The following ARHGAP12 variants were observed in gnomAD, a reference collection of about 807,000 sequenced individuals.
ARHGAP12 encodes the protein Rho GTPase activating protein 12.
A neutral mutation model predicts 108.6 loss-of-function variants in ARHGAP12; 64 were observed. The ratio of observed to expected loss-of-function variants is 0.59; its 90% CI spans 0.48 to 0.73. The LOEUF is 0.73. Among genes scored for constraint, ARHGAP12 ranks in the 30% least tolerant of loss-of-function variants. The pLI is 0.00. For missense variants in ARHGAP12, 940 were observed against 1,005.9 expected (o/e 0.93, Z 0.89); for synonymous variants, 312 against 337.2 (o/e 0.93, Z 0.82).
chr10:31,905,278 T>C (rs952080178), intron 3 of ARHGAP12, among the ~76,000 whole-genome samples: 4 of 152,178 alleles, frequency 2.6e-5, no homozygotes, highest in African/African-American at 9.7e-5. Flanking sequence ...TTCTTGTTTT[T>C]AGAGACGAGG....
intron 2 of ARHGAP12, among the ~76,000 whole-genome samples, chr10:31,909,248 C>A (rs766455803): frequency 5.3e-5 from 8 of 152,196 alleles, no homozygotes; most frequent in Non-Finnish European, 1.0e-4. Flanking sequence ...ACCTCCTTCA[C>A]CTTCTTAGAA....
rs747458042 is a variant in ARHGAP12 at position 31,908,344 on chromosome 10, T to C, written c.512A>G (p.Gln171Arg). Residue 171 changes from glutamine (Q) to arginine (R), a missense_variant, in exon 3 of 20, where the codon CAG (glutamine) becomes CGG (arginine). Coordinates refer to ENST00000344936, the MANE Select transcript of ARHGAP12 (RefSeq NM_018287.7). ...NDSHSPKVSS[Q>R]NRTRSFGHFP... Reference sequence around the variant, plus strand: ...ATGACCAAATGAGCGTGTCCTATTCTGGCTGGAAACTTTAGGAGAATGTGA... The same window carrying C: ...ATGACCAAATGAGCGTGTCCTATTCCGGCTGGAAACTTTAGGAGAATGTGA... The C allele has an allele frequency of 9.3e-6, 15 of 1,614,186 alleles. No individual in the cohort carries two copies. The highest frequency in any genetic ancestry group is 1.0e-5 in the Non-Finnish European group (12 of 1,180,022).
chr10:31,921,014 C>T (rs778651651), intron 1 of ARHGAP12, among the ~76,000 whole-genome samples: 9 of 152,166 alleles, frequency 5.9e-5, no homozygotes, highest in East Asian at 1.9e-4. Flanking sequence ...AGGTGGCTCA[C>T]GCGTGTAATC....
At chr10:31,866,718 C>T (rs112926990) in intron 3 of ARHGAP12, among the ~76,000 whole-genome samples, 1 of 151,930 alleles carries the variant, frequency 6.6e-6, no homozygotes, top group Non-Finnish European at 1.5e-5. Context: ...CTGTTTCAAG[C>T]GATTCTCCTG....
At chr10:31,851,775 T>C (rs1156793937) in intron 6 of ARHGAP12, among the ~76,000 whole-genome samples, 1 of 152,230 alleles carries the variant, frequency 6.6e-6, no homozygotes, top group African/African-American at 2.4e-5. Flanking sequence ...ATACTATTAA[T>C]ATTCTTCTTT....
At chr10:31,853,185 C>T (rs1219492271) in intron 5 of ARHGAP12, among the ~76,000 whole-genome samples, 1 of 152,204 alleles carries the variant, frequency 6.6e-6, no homozygotes, top group Admixed American at 6.5e-5. Context: ...CAACATATAA[C>T]ATACGATGTA....
chr10:31,807,986 T>C (rs1030620740), intron 19 of ARHGAP12, among the ~76,000 whole-genome samples, 154 bp from the exon 20 acceptor site: 1 of 152,246 alleles, frequency 6.6e-6, no homozygotes, highest in African/African-American at 2.4e-5. Context: ...AGTAGAATTC[T>C]GTCTAAATGC....
chr10:31,836,418 A>T (rs1384617730), intron 9 of ARHGAP12, among the ~76,000 whole-genome samples: 1 of 152,184 alleles, frequency 6.6e-6, no homozygotes, highest in Non-Finnish European at 1.5e-5. Flanking sequence ...AAATGTATAT[A>T]CTGCCTATTT....
At chr10:31,881,249 T>C (rs1406754657) in intron 3 of ARHGAP12, among the ~76,000 whole-genome samples, 1 of 151,556 alleles carries the variant, frequency 6.6e-6, no homozygotes, top group Non-Finnish European at 1.5e-5. Context: ...ATACATGTAA[T>C]GGGCAGTATC....
intron 3 of ARHGAP12, among the ~76,000 whole-genome samples, chr10:31,895,534 A>G (rs1237433471): frequency 2.0e-5 from 3 of 152,228 alleles, no homozygotes; most frequent in African/African-American, 7.2e-5. Flanking sequence ...AATCAAAACC[A>G]TAATGCGATA....
chr10:31,850,131 G>C (rs185801974), intron 6 of ARHGAP12, among the ~76,000 whole-genome samples: 85 of 152,288 alleles, frequency 5.6e-4, no homozygotes, highest in African/African-American at 1.9e-3. Flanking sequence ...AGATACAGCA[G>C]ATGATTCCTC....
At chr10:31,852,861 G>T (rs907889761) in intron 5 of ARHGAP12, among the ~76,000 whole-genome samples, 7 of 151,272 alleles carry the variant, frequency 4.6e-5, no homozygotes, top group African/African-American at 1.7e-4. Flanking sequence ...CGAGTAGCTG[G>T]GATTACAGGC....
In ARHGAP12 at chr10:31,818,435, G is replaced by A. The variant is rs563581636; in HGVS notation, c.1633-549C>T. The stretch of plus-strand genomic sequence containing the variant: ...GGAAGTATTACTAAATTAAGTGTCA[G>A]ATCATGAGCTGAAGTAAGAATACTA... On this transcript the variant is annotated intron_variant, in intron 12 of 19. Coordinates refer to ENST00000344936, the MANE Select transcript of ARHGAP12 (RefSeq NM_018287.7). 5.3e-5 allele frequency among the ~76,000 whole-genome samples: 8 copies of A among 152,284 alleles called. No individual in the cohort carries two copies. The South Asian group carries it at 1.5e-3, about 28-fold the overall frequency.
At chr10:31,919,645 G>A (rs1435364349) in intron 1 of ARHGAP12, among the ~76,000 whole-genome samples, 1 of 151,756 alleles carries the variant, frequency 6.6e-6, no homozygotes, top group African/African-American at 2.4e-5. Flanking sequence ...AAAAAAATTA[G>A]CTGGGCATGG....
intron 1 of ARHGAP12, among the ~76,000 whole-genome samples, chr10:31,923,443 G>C (rs1482396892): frequency 6.6e-6 from 1 of 152,144 alleles, no homozygotes; most frequent in Non-Finnish European, 1.5e-5. Flanking sequence ...ACATGATTCA[G>C]GGATTTTCCT....
Position 31,847,312 on chromosome 10 carries a change from A to G in ARHGAP12, c.1171-3726T>C, listed in dbSNP as rs191270407. Among the ~76,000 whole-genome samples, 207 of 152,244 alleles carry G rather than the reference A, an allele frequency of 1.4e-3. 1 individual carries two copies. Among genetic ancestry groups the G allele is most frequent in the Non-Finnish European group, 1.4e-3 (96 of 68,018 alleles). On this transcript the variant is annotated intron_variant, in intron 6 of 19. Coordinates refer to ENST00000344936, the MANE Select transcript of ARHGAP12 (RefSeq NM_018287.7). ...GTCATATTTGGATGTTTTGAGTACTATAAGACTTTGGTTTCTATTTAAACA... is the reference window on the plus strand; with the variant it reads ...GTCATATTTGGATGTTTTGAGTACTGTAAGACTTTGGTTTCTATTTAAACA...
intron 1 of ARHGAP12, among the ~76,000 whole-genome samples, chr10:31,926,589 T>C (rs778853148): frequency 3.9e-5 from 6 of 152,252 alleles, no homozygotes; most frequent in Admixed American, 2.0e-4. Context: ...AAGTAAAATA[T>C]TAGTACTACT....
chr10:31,898,314 T>C (rs961062178), intron 3 of ARHGAP12, among the ~76,000 whole-genome samples: 2 of 152,226 alleles, frequency 1.3e-5, no homozygotes, highest in African/African-American at 4.8e-5. Flanking sequence ...TATGAAAAGA[T>C]GCTCAACGTC....
At chr10:31,898,179 G>A (rs1838781971) in intron 3 of ARHGAP12, among the ~76,000 whole-genome samples, 1 of 152,120 alleles carries the variant, frequency 6.6e-6, no homozygotes, top group African/African-American at 2.4e-5. Flanking sequence ...CATTTGGTAA[G>A]TGACCTCTAC....
Sources: allele counts gnomAD v4.1 joint callset (sites outside exome capture counted in the v4.1 genomes callset), GRCh38; gene constraint gnomAD v4.1.1; transcripts MANE v1.5; gene names NCBI Gene and HGNC (gene_info 2026-07-23, HGNC 2026-07-21).